Variants in GK5 observed in about 807,000 individuals in gnomAD.
GK5 encodes ATP:glycerol 3-phosphotransferase 5.
In GK5, 39 loss-of-function variants were observed where a neutral mutation model predicts 77.3. The ratio of observed to expected loss-of-function variants is 0.50; its 90% CI spans 0.39 to 0.66. The LOEUF (loss-of-function observed/expected upper bound fraction) is 0.66. GK5 is among the 30% of genes least tolerant of loss of function. The pLI, the probability that GK5 is intolerant of heterozygous loss-of-function variation, is 0.00. For synonymous variants in GK5, 211 were observed against 208.0 expected, an observed-to-expected ratio of 1.01 and a Z score of -0.13; for missense variants, 487 against 633.8, an observed-to-expected ratio of 0.77 and a Z score of 2.49.
At chr3:142,213,503 T>C in intron 3 of GK5, 23 bp downstream of exon 3, 2 of 1,385,492 alleles carry the variant, frequency 1.4e-6, no homozygotes, top group African/African-American at 1.4e-5. Flanking sequence ...AGCAGTAGGG[T>C]GCTTATCACA....
At chr3:142,209,541 G>T (rs1341271353) in intron 3 of GK5, among the ~76,000 whole-genome samples, 1 of 152,176 alleles carries the variant, frequency 6.6e-6, no homozygotes, top group Non-Finnish European at 1.5e-5. Flanking sequence ...AAGGAAAAAT[G>T]AAGGAAAAGT....
chr3:142,209,951 A>ATTT (rs11393867), intron 3 of GK5, among the ~76,000 whole-genome samples: 1 of 148,950 alleles, frequency 6.7e-6, no homozygotes. Flanking sequence ...ACAGCTCGTG[A>ATTT]TTTTTTTTTT....
chr3:142,200,273 A>G (rs910808962), intron 4 of GK5, among the ~76,000 whole-genome samples: 30 of 152,044 alleles, frequency 2.0e-4, no homozygotes, highest in African/African-American at 7.0e-4. Flanking sequence ...GGTTCAAGCA[A>G]TTCTCCTCCC....
intron 5 of GK5, among the ~76,000 whole-genome samples, chr3:142,190,011 C>T (rs1409878912): frequency 2.0e-5 from 3 of 151,918 alleles, no homozygotes; most frequent in African/African-American, 7.3e-5. Flanking sequence ...GAAAAAAAGA[C>T]AGTCCACAGT....
In GK5 at chr3:142,176,208, A is replaced by G. The variant is rs79500930; in HGVS notation, c.1143+1274T>C. Reference sequence around the variant, plus strand: ...TGAAATAATGCTCATTTTAAAATCTAGTTTTGGAAGTATGATATTTTTAAA... The same window carrying G: ...TGAAATAATGCTCATTTTAAAATCTGGTTTTGGAAGTATGATATTTTTAAA... On this transcript the variant is annotated intron_variant, in intron 12 of 15. Transcript: ENST00000392993. Among the ~76,000 whole-genome samples the G allele has an allele frequency of 8.7e-3, 1,323 of 152,220 alleles. 18 individuals carry two copies. Among genetic ancestry groups the G allele is most frequent in the African/African-American group, 0.03 (1,251 of 41,534 alleles).
chr3:142,178,634 G>A (rs190903715), intron 11 of GK5, among the ~76,000 whole-genome samples: 35 of 152,292 alleles, frequency 2.3e-4, no homozygotes, highest in African/African-American at 8.2e-4. Flanking sequence ...ATTCTATTAT[G>A]TGACTATAGA....
intron 12 of GK5, 141 bp from the exon 13 acceptor site, chr3:142,172,597 G>A (rs1388358979): frequency 2.1e-5 from 10 of 479,412 alleles, no homozygotes; most frequent in Non-Finnish European, 3.8e-5. Flanking sequence ...AAAAGATTAT[G>A]GTAAATATTG....
chr3:142,183,182 A>C (rs2063720594), intron 9 of GK5, 133 bp from the exon 10 acceptor site: 1 of 765,846 alleles, frequency 1.3e-6, no homozygotes, highest in Admixed American at 3.0e-5. Context: ...AAATTAAAAA[A>C]AAAAATCCCA....
chr3:142,198,021 C>CA (rs1228082453), intron 5 of GK5, among the ~76,000 whole-genome samples: 942 of 85,352 alleles, frequency 0.011, 5 homozygotes, highest in African/African-American at 0.036. Context: ...GACTCTGTCT[C>CA]AAAAAAAAAA....
chr3:142,190,153 C>T (rs1010465967), intron 5 of GK5, among the ~76,000 whole-genome samples: 10 of 151,728 alleles, frequency 6.6e-5, no homozygotes, highest in Non-Finnish European at 1.0e-4. Flanking sequence ...ACATTAGAAA[C>T]AATTGAAGAG....
In GK5 at chr3:142,157,851, C is replaced by T. The variant is rs981115111; in HGVS notation, c.*7771G>A. On this transcript the variant is annotated 3_prime_UTR_variant, in exon 16 of 16. Transcript: ENST00000392993. ...ATCTAAAAAGGCAAGTTACCTAAAA[C>T]CCTTCTTGTCTAACCATATTAAGGC... is the stretch of plus-strand genomic sequence containing the variant. 1.3e-5 allele frequency: 2 copies of T among 152,112 alleles called. No individual in the cohort carries two copies. Among genetic ancestry groups the T allele is most frequent in the South Asian group, 2.1e-4 (1 of 4,832 alleles). 9.4% of individuals were successfully genotyped at this position (152,112 alleles called of 1,614,324 possible). A position where few individuals can be genotyped will look rare whatever the true frequency, so the allele number is the denominator to read the frequency against.
chr3:142,212,840 C>CT (rs1187865939), intron 3 of GK5, among the ~76,000 whole-genome samples: 52 of 101,132 alleles, frequency 5.1e-4, no homozygotes, highest in East Asian at 3.0e-3. Flanking sequence ...TTTTTTTTTT[C>CT]TTTTTTTTTT....
chr3:142,167,126 C>A (rs771272018), intron 15 of GK5, among the ~76,000 whole-genome samples: 14 of 152,120 alleles, frequency 9.2e-5, no homozygotes, highest in Admixed American at 5.2e-4. Flanking sequence ...GTAATCCCAG[C>A]ACTTTGGGAA....
At position 142,159,423 on chromosome 3, in the gene GK5, T is replaced by C. The variant is rs2063407589; in HGVS notation, c.*6199A>G. 1 of 152,194 alleles carries C rather than the reference T, an allele frequency of 6.6e-6. No individual in the cohort carries two copies. The highest frequency in any genetic ancestry group is 6.5e-5 in the Admixed American group (1 of 15,288). 9.4% of individuals were successfully genotyped at this position (152,194 alleles called of 1,614,324 possible). On this transcript the variant is annotated 3_prime_UTR_variant, in exon 16 of 16. Transcript: ENST00000392993. The stretch of plus-strand genomic sequence containing the variant: ...ATTTTATAACAGATCAAATTTATAG[T>C]AAAGTGGGGAAAGACAGTAGAAATA...
rs2064004683 is a variant in GK5 at position 142,200,519 on chromosome 3, CA to C, written c.412-1587del. On this transcript the variant is annotated intron_variant, in intron 4 of 15. Transcript: ENST00000392993. Reference sequence around the variant, plus strand: ...AGATTTTTCACATTATTTATTAAAACATAAGACTTTTTAAAAGTATTTAAAG... The same window carrying C: ...AGATTTTTCACATTATTTATTAAAACTAAGACTTTTTAAAAGTATTTAAAG... Among the ~76,000 whole-genome samples, 5 of 152,262 alleles carry C rather than the reference CA, an allele frequency of 3.3e-5. No individual in the cohort carries two copies. In the South Asian group the frequency reaches 1.0e-3, roughly 32 times the overall value.
At chr3:142,213,042 G>T (rs1319644156) in intron 3 of GK5, among the ~76,000 whole-genome samples, 1 of 151,604 alleles carries the variant, frequency 6.6e-6, no homozygotes, top group African/African-American at 2.4e-5. Context: ...CACCGTGTTA[G>T]CCAGGATGGT....
chr3:142,225,187 G>A (rs1005076559), intron 1 of GK5, 122 bp downstream of exon 1: 1 of 1,085,568 alleles, frequency 9.2e-7, no homozygotes, highest in Admixed American at 3.7e-5. Flanking sequence ...AGGGCCCGCG[G>A]GTGCTGCAGG....
intron 2 of GK5, 114 bp downstream of exon 2, chr3:142,215,485 A>G (rs2064261039): frequency 1.8e-6 from 1 of 540,870 alleles, no homozygotes. Context: ...TGTAATCCCA[A>G]TAAAATACTA....
rs113749883 is a variant in GK5 at position 142,206,955 on chromosome 3, C to A, written c.318-2167G>T. Among the ~76,000 whole-genome samples the A allele has an allele frequency of 2.3e-3, 357 of 152,262 alleles. 3 individuals are homozygous for A. The highest frequency in any genetic ancestry group is 8.1e-3 in the African/African-American group (338 of 41,542). ...GAGAAAAGGGGGAGATGTAGGGAGA[C>A]CCCCTGAAACTATGGCTACAGAATA... is the stretch of plus-strand genomic sequence containing the variant. On this transcript the variant is annotated intron_variant, in intron 3 of 15. Transcript: ENST00000392993.
Sources: gnomAD v4.1 joint callset for allele counts (sites outside exome capture counted in the v4.1 genomes callset) on GRCh38, gnomAD v4.1.1 for gene constraint, MANE v1.5 for transcripts, NCBI Gene and HGNC (gene_info 2026-07-23, HGNC 2026-07-21) for gene names.